Variants in RNF13 observed in about 807,000 individuals in gnomAD.
The protein encoded by RNF13 is ring finger protein 13.
Under a neutral mutation model 37.7 loss-of-function variants are expected in RNF13, and 19 were observed. The ratio of observed to expected loss-of-function variants is 0.50; its 90% CI spans 0.35 to 0.74. RNF13 has a LOEUF of 0.74. Ranked by LOEUF, RNF13 falls within the 30% of genes least tolerant of loss-of-function variation. The pLI, the probability that RNF13 is intolerant of heterozygous loss-of-function variation, is 0.01. For missense variants in RNF13, 375 were observed against 453.0 expected (o/e 0.83, Z 1.56); for synonymous variants, 144 against 157.8 (o/e 0.91, Z 0.65).
chr3:149,886,250 T>C (rs1027858679), intron 4 of RNF13, among the ~76,000 whole-genome samples: 6 of 152,234 alleles, frequency 3.9e-5, no homozygotes, highest in Non-Finnish European at 8.8e-5. Flanking sequence ...ACAATTGTTT[T>C]TCTCTATTTC....
At chr3:149,854,344 C>T (rs1184019630) in intron 3 of RNF13, among the ~76,000 whole-genome samples, 3 of 152,162 alleles carry the variant, frequency 2.0e-5, no homozygotes, top group Non-Finnish European at 4.4e-5. Context: ...GTAGCAGTCA[C>T]ACTTCCCTCT....
At chr3:149,911,700 T>C (rs1348818264) in intron 6 of RNF13, among the ~76,000 whole-genome samples, 1 of 151,596 alleles carries the variant, frequency 6.6e-6, no homozygotes, top group African/African-American at 2.4e-5. Context: ...AAATAACATA[T>C]CTCCAGGATA....
At chr3:149,886,965 C>T (rs1714103976) in intron 4 of RNF13, among the ~76,000 whole-genome samples, 1 of 152,024 alleles carries the variant, frequency 6.6e-6, no homozygotes. Context: ...TTGTGAATTT[C>T]CCAAATTTCC....
chr3:149,923,999 G>A (rs73868603), intron 8 of RNF13, among the ~76,000 whole-genome samples: 4,046 of 152,176 alleles, frequency 0.027, 70 homozygotes, highest in South Asian at 0.037. Flanking sequence ...GAAAGTTATT[G>A]TAGTAATTCA....
chr3:149,857,026 C>T (rs1288155630), intron 3 of RNF13, among the ~76,000 whole-genome samples: 4 of 152,136 alleles, frequency 2.6e-5, no homozygotes, highest in East Asian at 1.9e-4. Context: ...GGGATACAGG[C>T]GTGAGCCACC....
chr3:149,918,958 G>A (rs78860744), intron 7 of RNF13, among the ~76,000 whole-genome samples: 4,550 of 152,076 alleles, frequency 0.03, 82 homozygotes, highest in South Asian at 0.037. Context: ...GAAAACGGTG[G>A]ATTTAATCCA....
chr3:149,858,321 C>G (rs532324518), intron 3 of RNF13, among the ~76,000 whole-genome samples: 1 of 152,172 alleles, frequency 6.6e-6, no homozygotes, highest in Non-Finnish European at 1.5e-5. Context: ...CAAGCAAGGT[C>G]TCTTGCTATA....
intron 1 of RNF13, among the ~76,000 whole-genome samples, chr3:149,843,369 T>C (rs1722351033): frequency 6.6e-6 from 1 of 152,208 alleles, no homozygotes; most frequent in Non-Finnish European, 1.5e-5. Context: ...TAGGAAGTTA[T>C]ACATCAAAGT....
At chr3:149,951,055 C>T (rs776840857) in intron 8 of RNF13, among the ~76,000 whole-genome samples, 11 of 152,122 alleles carry the variant, frequency 7.2e-5, no homozygotes, top group Non-Finnish European at 1.5e-4. Context: ...ACCCCCAATA[C>T]CTGAGGGGAT....
intron 8 of RNF13, among the ~76,000 whole-genome samples, chr3:149,922,558 A>G (rs948780890): frequency 5.3e-5 from 8 of 152,206 alleles, no homozygotes; most frequent in Non-Finnish European, 1.0e-4. Context: ...TTTCTGTACC[A>G]GGTGAACTAC....
chr3:149,911,744 A>G (rs1179219006), intron 6 of RNF13, among the ~76,000 whole-genome samples: 1 of 152,178 alleles, frequency 6.6e-6, no homozygotes. Context: ...AGTTTTCTTT[A>G]CCCAGTTTAA....
chr3:149,839,661 C>T (rs1279041299), intron 1 of RNF13, among the ~76,000 whole-genome samples: 1 of 152,146 alleles, frequency 6.6e-6, no homozygotes. Flanking sequence ...AATTAACCTC[C>T]CACGAGGTTT....
chr3:149,881,341 T>G (rs1713371229), intron 4 of RNF13, among the ~76,000 whole-genome samples: 1 of 152,084 alleles, frequency 6.6e-6, no homozygotes, highest in Non-Finnish European at 1.5e-5. Context: ...AGATCTTTGT[T>G]TTTTTTTGAG....
At chr3:149,864,008 ATTTTTTTTTT>A (rs535062004) in intron 3 of RNF13, among the ~76,000 whole-genome samples, 13 of 29,654 alleles carry the variant, frequency 4.4e-4, no homozygotes, top group African/African-American at 8.0e-4. Context: ...TTTGATTGGA[ATTTTTTTTTT>A]TTTTTTTTTT....
chr3:149,830,936 A>G (rs1051114130), intron 1 of RNF13, among the ~76,000 whole-genome samples: 1 of 152,212 alleles, frequency 6.6e-6, no homozygotes, highest in Non-Finnish European at 1.5e-5. Context: ...ACCAAGGTAC[A>G]GTTTGGGTCC....
At chr3:149,904,570 G>A (rs1210706154) in intron 6 of RNF13, among the ~76,000 whole-genome samples, 1 of 152,042 alleles carries the variant, frequency 6.6e-6, no homozygotes, top group African/African-American at 2.4e-5. Flanking sequence ...GTGTGCTGAT[G>A]TTATAAATTG....
At chr3:149,869,885 T>A (rs1365655975) in intron 3 of RNF13, among the ~76,000 whole-genome samples, 1 of 151,792 alleles carries the variant, frequency 6.6e-6, no homozygotes, top group Non-Finnish European at 1.5e-5. Flanking sequence ...TTGGCTCTAG[T>A]AAATTATCAA....
intron 1 of RNF13, 37 bp downstream of exon 1, chr3:149,813,390 T>G (rs6764359): frequency 0.95 from 145,364 of 152,376 alleles, 69,377 homozygotes; most frequent in East Asian, 1. Context: ...GCCGGGCAGC[T>G]CGTTATCGAG....
intron 2 of RNF13, among the ~76,000 whole-genome samples, chr3:149,852,057 G>C (rs186003755): frequency 4.7e-4 from 71 of 152,234 alleles, no homozygotes; most frequent in African/African-American, 1.7e-3. Context: ...ATACAAAATT[G>C]ACATGCCTTA....
Sources: allele counts gnomAD v4.1 joint callset (sites outside exome capture counted in the v4.1 genomes callset), GRCh38; gene constraint gnomAD v4.1.1; transcripts MANE v1.5; gene names NCBI Gene and HGNC (gene_info 2026-07-23, HGNC 2026-07-21).